The following EPHA3 variants were observed in gnomAD, a reference collection of about 807,000 sequenced individuals.
EPHA3 encodes ephrin type-A receptor 3.
In EPHA3, 42 loss-of-function variants were observed where a neutral mutation model predicts 107.1. That is an observed-to-expected ratio of 0.39 (90% CI 0.31 to 0.51). EPHA3 has a LOEUF of 0.51. EPHA3 is among the 20% of genes least tolerant of loss of function. EPHA3 has a pLI of 0.78. For missense variants in EPHA3, 1,183 were observed against 1,211.2 expected (o/e 0.98, Z 0.35); for synonymous variants, 461 against 424.8 (o/e 1.09, Z -1.05).
At chr3:89,197,422 T>TAAA (rs1705862386) in intron 2 of EPHA3, among the ~76,000 whole-genome samples, 2 of 86,666 alleles carry the variant, frequency 2.3e-5, no homozygotes, top group African/African-American at 6.1e-5. Context: ...AAAAAAAACA[T>TAAA]AAAAACATAA....
intron 3 of EPHA3, among the ~76,000 whole-genome samples, chr3:89,245,641 G>T (rs1705014196): frequency 6.6e-6 from 1 of 152,184 alleles, no homozygotes; most frequent in Non-Finnish European, 1.5e-5. Context: ...CTACTGCAAT[G>T]GGCAAGATTA....
intron 5 of EPHA3, among the ~76,000 whole-genome samples, chr3:89,382,914 CCAGT>C (rs1178687761): frequency 1.3e-5 from 2 of 151,970 alleles, no homozygotes; most frequent in East Asian, 1.9e-4. Flanking sequence ...CAATTTCTTC[CCAGT>C]CAGTGAGGCC....
intron 3 of EPHA3, among the ~76,000 whole-genome samples, chr3:89,283,124 C>T (rs974580044): frequency 6.6e-6 from 1 of 152,044 alleles, no homozygotes; most frequent in Non-Finnish European, 1.5e-5. Context: ...GGTGCAGTAA[C>T]AGGGCATGAA....
rs185282539 is a variant in EPHA3, at chr3:89,136,923, T to C, written c.153+9650T>C. 3.3e-5 allele frequency among the ~76,000 whole-genome samples: 5 copies of C among 152,118 alleles called. No homozygotes were observed. In the East Asian group the frequency reaches 5.8e-4, roughly 18 times the overall value. ...TGCTTCTGCTAGTTTCTCATATTGA[T>C]AACATTTTTTCTCTAAAACAAATAA... On this transcript the variant is annotated intron_variant, in intron 2 of 16. Transcript: ENST00000336596.
intron 1 of EPHA3, among the ~76,000 whole-genome samples, chr3:89,108,839 TACA>T (rs903552797): frequency 1.3e-5 from 2 of 152,222 alleles, no homozygotes; most frequent in African/African-American, 4.8e-5. Context: ...AAGCCACACT[TACA>T]ACATTAATTT....
chr3:89,299,153 T>C (rs2107342758), intron 3 of EPHA3, among the ~76,000 whole-genome samples: 1 of 152,190 alleles, frequency 6.6e-6, no homozygotes, highest in Middle Eastern at 3.4e-3. Context: ...CATTAAAATT[T>C]TTGGCATTCA....
chr3:89,131,700 T>C (rs1368320696), intron 2 of EPHA3, among the ~76,000 whole-genome samples: 2 of 152,112 alleles, frequency 1.3e-5, no homozygotes, highest in African/African-American at 4.8e-5. Context: ...AAAAGCACTG[T>C]CTGAAATGAG....
At chr3:89,156,259 G>A (rs905113453) in intron 2 of EPHA3, among the ~76,000 whole-genome samples, 3 of 152,034 alleles carry the variant, frequency 2.0e-5, no homozygotes, top group African/African-American at 4.8e-5. Flanking sequence ...TTGTGTGAAA[G>A]CACTTCCTTT....
chr3:89,353,823 G>A (rs1260818849), intron 5 of EPHA3, among the ~76,000 whole-genome samples: 1 of 151,286 alleles, frequency 6.6e-6, no homozygotes, highest in African/African-American at 2.4e-5. Flanking sequence ...TGGAACATGA[G>A]CTAAGGAAGA....
At chr3:89,418,544 A>G (rs980990054) in intron 10 of EPHA3, among the ~76,000 whole-genome samples, 1 of 151,268 alleles carries the variant, frequency 6.6e-6, no homozygotes, top group African/African-American at 2.4e-5. Flanking sequence ...TTAATTGCAC[A>G]TTGAAGACTT....
At chr3:89,167,854 A>G (rs536027484) in intron 2 of EPHA3, among the ~76,000 whole-genome samples, 1 of 152,294 alleles carries the variant, frequency 6.6e-6, no homozygotes, top group South Asian at 2.1e-4. Flanking sequence ...CTGTGTCTAC[A>G]TATTTGAGAA....
intron 2 of EPHA3, among the ~76,000 whole-genome samples, chr3:89,201,366 G>A (rs1205442868): frequency 2.0e-5 from 3 of 151,928 alleles, no homozygotes; most frequent in Non-Finnish European, 2.9e-5. Flanking sequence ...CAGAGCCAAC[G>A]GTTAGAAAAA....
intron 2 of EPHA3, among the ~76,000 whole-genome samples, chr3:89,127,589 G>C (rs1266458210): frequency 6.6e-6 from 1 of 151,904 alleles, no homozygotes; most frequent in Non-Finnish European, 1.5e-5. Flanking sequence ...GAATTAATTA[G>C]ACTGTCTAAA....
At chr3:89,461,094 G>T in intron 15 of EPHA3, among the ~76,000 whole-genome samples, 1 of 89,536 alleles carries the variant, frequency 1.1e-5, no homozygotes, top group Non-Finnish European at 2.1e-5. Flanking sequence ...TTTTATTCTT[G>T]CGATAGTTTA....
intron 2 of EPHA3, among the ~76,000 whole-genome samples, chr3:89,127,634 G>A (rs1447987371): frequency 4.6e-5 from 7 of 151,886 alleles, no homozygotes; most frequent in South Asian, 2.1e-4. Flanking sequence ...ATTTGGAGAC[G>A]GTAATCTCCA....
intron 3 of EPHA3, among the ~76,000 whole-genome samples, chr3:89,230,716 G>A (rs541356562): frequency 1.4e-4 from 21 of 151,242 alleles, no homozygotes; most frequent in African/African-American, 3.4e-4. Flanking sequence ...ACTTTACTTC[G>A]CTTTATCTTC....
intron 3 of EPHA3, among the ~76,000 whole-genome samples, chr3:89,252,197 T>A (rs1705179407): frequency 1.3e-5 from 2 of 152,194 alleles, no homozygotes; most frequent in Admixed American, 1.3e-4. Flanking sequence ...AATTTCCACA[T>A]ATGCTTGCCA....
intron 7 of EPHA3, 42 bp from the exon 8 acceptor site, chr3:89,407,227 G>T: frequency 2.1e-6 from 3 of 1,425,140 alleles, no homozygotes; most frequent in South Asian, 1.2e-5. Flanking sequence ...TGTTAGTCAT[G>T]ATTATAATAC....
At chr3:89,351,606 C>T (rs1287407628) in intron 5 of EPHA3, among the ~76,000 whole-genome samples, 2 of 151,162 alleles carry the variant, frequency 1.3e-5, no homozygotes, top group East Asian at 1.9e-4. Flanking sequence ...AGCTGTAGAC[C>T]GGAGCTGTTC....
Sources: gnomAD v4.1 joint callset for allele counts (sites outside exome capture counted in the v4.1 genomes callset) on GRCh38, gnomAD v4.1.1 for gene constraint, MANE v1.5 for transcripts, NCBI Gene and HGNC (gene_info 2026-07-23, HGNC 2026-07-21) for gene names.